Variants in BRK1 observed in about 807,000 individuals in gnomAD.
BRK1 encodes protein BRICK1.
In BRK1, 6 loss-of-function variants were observed where a neutral mutation model predicts 9.9. The ratio of observed to expected loss-of-function variants is 0.60; its 90% CI spans 0.33 to 1.19. BRK1 has a LOEUF of 1.19. BRK1 is among the 50% of genes most tolerant of loss of function. The pLI, the probability that BRK1 is intolerant of heterozygous loss-of-function variation, is 0.04. For missense variants in BRK1, 62 were observed against 97.5 expected, an observed-to-expected ratio of 0.64 and a Z score of 1.53; for synonymous variants, 44 against 31.9, an observed-to-expected ratio of 1.38 and a Z score of -1.28.
At position 10,126,467 on chromosome 3, in the gene BRK1, G is replaced by T; in HGVS notation, c.*172G>T. ...GCTCTGCCATCTGGGGTGTGGTGTGGTATGTGGGAAGAAGTTCAGAGGAAC... is the reference window on the plus strand; with the variant it reads ...GCTCTGCCATCTGGGGTGTGGTGTGTTATGTGGGAAGAAGTTCAGAGGAAC... On this transcript the variant is annotated 3_prime_UTR_variant, in exon 3 of 3. Transcript: ENST00000530758. 2 of 551,740 alleles carry T rather than the reference G, an allele frequency of 3.6e-6. No individual in the cohort carries two copies. Among genetic ancestry groups the T allele is most frequent in the Non-Finnish European group, 6.3e-6 (2 of 318,358 alleles). 34.2% of individuals were successfully genotyped at this position (551,740 alleles called of 1,614,324 possible). A position where few individuals can be genotyped will look rare whatever the true frequency, so the allele number is the denominator to read the frequency against.
intron 1 of BRK1, among the ~76,000 whole-genome samples, chr3:10,124,662 T>A (rs2125118889): frequency 6.6e-6 from 1 of 152,132 alleles, no homozygotes; most frequent in East Asian, 1.9e-4. Flanking sequence ...TGGGCTCCAA[T>A]CAGGGTTTCA....
intron 1 of BRK1, among the ~76,000 whole-genome samples, chr3:10,121,274 G>C (rs796137485): frequency 2.0e-5 from 3 of 152,298 alleles, no homozygotes; most frequent in African/African-American, 7.2e-5. Flanking sequence ...GCACAACTCT[G>C]TAAGTATACT....
At chr3:10,121,952 C>A (rs896000472) in intron 1 of BRK1, among the ~76,000 whole-genome samples, 23 of 142,250 alleles carry the variant, frequency 1.6e-4, no homozygotes, top group Non-Finnish European at 2.7e-4. Context: ...TGCAGTGGTG[C>A]AGTCTTGACT....
chr3:10,124,290 T>C (rs1259628820), intron 1 of BRK1, among the ~76,000 whole-genome samples: 1 of 146,708 alleles, frequency 6.8e-6, no homozygotes, highest in African/African-American at 2.5e-5. Context: ...CCGTCTCTAC[T>C]AAAAATACAA....
intron 1 of BRK1, among the ~76,000 whole-genome samples, chr3:10,125,202 C>G (rs754910065): frequency 6.6e-6 from 1 of 152,012 alleles, no homozygotes; most frequent in South Asian, 2.1e-4. Context: ...CCCCCCGGTT[C>G]AAGTGATTTT....
Position 10,115,825 on chromosome 3 carries a change from C to G in BRK1, c.118+6C>G. 1.9e-6 allele frequency: 3 copies of G among 1,610,888 alleles called. No homozygotes were observed. The highest frequency in any genetic ancestry group is 2.5e-6 in the Non-Finnish European group (3 of 1,177,102). On this transcript the variant is annotated splice_donor_region_variant and intron_variant, in intron 1 of 2. Coordinates refer to ENST00000530758, the MANE Select transcript of BRK1 (RefSeq NM_018462.5). Reference sequence around the variant, plus strand: ...AGACTTTCTCAACTCGTTCGGTCAGCGGGCCAGCAAGGGGAGGCGGGGAGG... The same window carrying G: ...AGACTTTCTCAACTCGTTCGGTCAGGGGGCCAGCAAGGGGAGGCGGGGAGG...
rs557634173 is a variant in BRK1, at chr3:10,119,795, T to C, written c.118+3976T>C. ...GCTTTTTATTCTTATGCTATTTTTT[T>C]CTGGTTCTAAAGGTAATATATGCAG... On this transcript the variant is annotated intron_variant, in intron 1 of 2. Coordinates refer to ENST00000530758, the MANE Select transcript of BRK1 (RefSeq NM_018462.5). 3.3e-5 allele frequency among the ~76,000 whole-genome samples: 5 copies of C among 152,340 alleles called. No individual in the cohort carries two copies. In the East Asian group the frequency reaches 9.6e-4, roughly 29 times the overall value.
In BRK1 at chr3:10,127,084, C is replaced by T. The variant is rs1225932321; in HGVS notation, c.*789C>T. ...GCCCAAGTCCCCATGTTTGGACTTT[C>T]AGCTGACTAGCTCATCTTGGGAATC... On this transcript the variant is annotated 3_prime_UTR_variant, in exon 3 of 3. Transcript: ENST00000530758. 6.6e-6 allele frequency: 1 copy of T among 152,410 alleles called. No individual in the cohort carries two copies. Among genetic ancestry groups the T allele is most frequent in the Non-Finnish European group, 1.5e-5 (1 of 68,040 alleles). 9.4% of individuals were successfully genotyped at this position (152,410 alleles called of 1,614,324 possible). A position where few individuals can be genotyped will look rare whatever the true frequency, so the allele number is the denominator to read the frequency against.
At chr3:10,120,108 C>T (rs1192376271) in intron 1 of BRK1, among the ~76,000 whole-genome samples, 2 of 152,056 alleles carry the variant, frequency 1.3e-5, no homozygotes, top group Non-Finnish European at 2.9e-5. Context: ...CGGCTCACTG[C>T]AACCTCCGCC....
chr3:10,123,117 T>C (rs972889337), intron 1 of BRK1, among the ~76,000 whole-genome samples: 4 of 152,240 alleles, frequency 2.6e-5, no homozygotes, highest in African/African-American at 7.2e-5. Context: ...TTTTCTCTCA[T>C]ATGTTGAGAA....
intron 1 of BRK1, among the ~76,000 whole-genome samples, chr3:10,122,039 G>A (rs144242601): frequency 0.04 from 6,080 of 151,746 alleles, 119 homozygotes; most frequent in South Asian, 0.064. Context: ...ACAGGTGTGC[G>A]CCACCATGCT....
At chr3:10,116,620 G>C (rs751404973) in intron 1 of BRK1, among the ~76,000 whole-genome samples, 5 of 152,150 alleles carry the variant, frequency 3.3e-5, no homozygotes, top group Non-Finnish European at 7.3e-5. Flanking sequence ...GTGTTTAACA[G>C]AACTTGGCAC....
Position 10,126,354 on chromosome 3 carries a change from GC to G in BRK1, c.*63del. On this transcript the variant is annotated 3_prime_UTR_variant, in exon 3 of 3. Coordinates refer to ENST00000530758, the MANE Select transcript of BRK1 (RefSeq NM_018462.5). ...ACACAACACAGGCCACATGGGAAAG[GC>G]CCCAGCAGCCTTCAGCTCCTTCCTT... is the stretch of plus-strand genomic sequence containing the variant. The G allele has an allele frequency of 6.9e-7, 1 of 1,448,664 alleles. No homozygotes were observed. 89.7% of individuals were successfully genotyped at this position (1,448,664 alleles called of 1,614,324 possible).
At chr3:10,117,514 C>A (rs1695700793) in intron 1 of BRK1, among the ~76,000 whole-genome samples, 1 of 151,684 alleles carries the variant, frequency 6.6e-6, no homozygotes, top group Non-Finnish European at 1.5e-5. Flanking sequence ...ATGCCCCCGC[C>A]TCCTGAGTAG....
intron 1 of BRK1, among the ~76,000 whole-genome samples, chr3:10,117,393 C>CTTTTT (rs756307171): frequency 1.3e-4 from 16 of 118,646 alleles, no homozygotes; most frequent in African/African-American, 4.9e-4. Context: ...TCAACAAATT[C>CTTTTT]TTTTTTTTTT....
intron 1 of BRK1, among the ~76,000 whole-genome samples, chr3:10,116,522 C>T (rs1254788946): frequency 6.6e-6 from 1 of 152,174 alleles, no homozygotes; most frequent in African/African-American, 2.4e-5. Context: ...CAGAATCTTT[C>T]CTAGGCATGG....
intron 1 of BRK1, among the ~76,000 whole-genome samples, chr3:10,117,218 G>A (rs965923253): frequency 6.6e-6 from 1 of 152,118 alleles, no homozygotes; most frequent in Non-Finnish European, 1.5e-5. Flanking sequence ...TCCAGCCTAG[G>A]CGACTGACTG....
intron 1 of BRK1, among the ~76,000 whole-genome samples, chr3:10,124,458 C>CA (rs200771502): frequency 0.017 from 2,399 of 141,868 alleles, 28 homozygotes; most frequent in Non-Finnish European, 0.025. Flanking sequence ...GACTCCATCT[C>CA]AAAAAAAAAA....
intron 2 of BRK1, 121 bp downstream of exon 2, chr3:10,125,829 G>A (rs1054804942): frequency 3.4e-5 from 23 of 683,310 alleles, no homozygotes; most frequent in East Asian, 8.9e-5. Flanking sequence ...GGTGGCTCAC[G>A]CCTGTAATCC....
Sources: allele counts gnomAD v4.1 joint callset (sites outside exome capture counted in the v4.1 genomes callset), GRCh38; gene constraint gnomAD v4.1.1; transcripts MANE v1.5; gene names NCBI Gene and HGNC (gene_info 2026-07-23, HGNC 2026-07-21).